SGCZ: variants seen among roughly 807,000 people sequenced by gnomAD.
SGCZ encodes zeta-sarcoglycan.
In SGCZ, 40 loss-of-function variants were observed where a neutral mutation model predicts 41.3. The ratio of observed to expected loss-of-function variants is 0.97; its 90% CI spans 0.75 to 1.26. The LOEUF is 1.26. Ranked by LOEUF, SGCZ falls within the 50% of genes most tolerant of loss-of-function variation. SGCZ has a pLI of 0.00. For missense variants in SGCZ, 552 were observed against 369.8 expected (o/e 1.49, Z -4.04); for synonymous variants, 206 against 137.5 (o/e 1.50, Z -3.49).
intron 2 of SGCZ, among the ~76,000 whole-genome samples, chr8:14,331,073 T>C (rs957471617): frequency 6.6e-6 from 1 of 151,734 alleles, no homozygotes; most frequent in African/African-American, 2.4e-5. Context: ...AGATATTATT[T>C]ATTATATATT....
chr8:14,372,244 C>G (rs768064856), intron 2 of SGCZ, among the ~76,000 whole-genome samples: 1 of 152,130 alleles, frequency 6.6e-6, no homozygotes, highest in Non-Finnish European at 1.5e-5. Context: ...ATTTGCGAAA[C>G]AGAAGTCTCT....
At chr8:14,457,633 T>C (rs894101060) in intron 2 of SGCZ, among the ~76,000 whole-genome samples, 1 of 152,194 alleles carries the variant, frequency 6.6e-6, no homozygotes, top group African/African-American at 2.4e-5. Flanking sequence ...CAGATAGCAG[T>C]AGTAAATTAG....
intron 1 of SGCZ, among the ~76,000 whole-genome samples, chr8:15,210,895 G>C (rs969578984): frequency 2.0e-5 from 3 of 151,838 alleles, no homozygotes; most frequent in Non-Finnish European, 4.4e-5. Flanking sequence ...CCCACATCCA[G>C]CATTTCAATA....
intron 1 of SGCZ, among the ~76,000 whole-genome samples, chr8:14,663,649 A>T (rs1807822934): frequency 6.6e-6 from 1 of 152,172 alleles, no homozygotes; most frequent in African/African-American, 2.4e-5. Flanking sequence ...TTGCTCATTA[A>T]AATGAGCTAC....
chr8:14,496,787 T>C (rs545868932), intron 2 of SGCZ, among the ~76,000 whole-genome samples: 1 of 152,322 alleles, frequency 6.6e-6, no homozygotes, highest in African/African-American at 2.4e-5. Flanking sequence ...TAAAGAATTC[T>C]TACAAAATAA....
At chr8:14,593,948 G>C (rs7827861) in intron 1 of SGCZ, among the ~76,000 whole-genome samples, 80,173 of 151,734 alleles carry the variant, frequency 0.53, 21,725 homozygotes, top group Non-Finnish European at 0.61. Context: ...GCCGAGATTG[G>C]TGGATCACTT....
chr8:14,229,942 T>A (rs1806503081), intron 4 of SGCZ, among the ~76,000 whole-genome samples: 1 of 152,156 alleles, frequency 6.6e-6, no homozygotes, highest in Admixed American at 6.6e-5. Context: ...GGATTAAATT[T>A]CATTGAAAAA....
At chr8:14,926,645 T>G (rs940515352) in intron 1 of SGCZ, among the ~76,000 whole-genome samples, 1 of 150,384 alleles carries the variant, frequency 6.6e-6, no homozygotes, top group Admixed American at 6.6e-5. Flanking sequence ...GTGTGTGTGG[T>G]TTTTTTTTGT....
At chr8:15,098,909 T>G (rs1436856108) in intron 1 of SGCZ, among the ~76,000 whole-genome samples, 1 of 152,040 alleles carries the variant, frequency 6.6e-6, no homozygotes, top group Non-Finnish European at 1.5e-5. Flanking sequence ...AATACAAAAA[T>G]TAGCCGGGGG....
chr8:14,326,170 G>C (rs1007518507), intron 2 of SGCZ, among the ~76,000 whole-genome samples: 15 of 140,086 alleles, frequency 1.1e-4, no homozygotes, highest in African/African-American at 3.1e-4. Context: ...CTGTCACTAT[G>C]GATAAGCAAG....
At chr8:14,288,775 A>C (rs1232997739) in intron 3 of SGCZ, among the ~76,000 whole-genome samples, 1 of 152,166 alleles carries the variant, frequency 6.6e-6, no homozygotes, top group Non-Finnish European at 1.5e-5. Flanking sequence ...ACCACTTGTT[A>C]CCAATTCTTT....
At chr8:15,027,380 G>T (rs768630267) in intron 1 of SGCZ, among the ~76,000 whole-genome samples, 1 of 127,502 alleles carries the variant, frequency 7.8e-6, no homozygotes, top group Non-Finnish European at 1.6e-5. Context: ...AATTTAAAAA[G>T]AAATATGTGT....
In SGCZ at chr8:15,238,050, A is replaced by G; in HGVS notation, c.-427T>C. The G allele has an allele frequency of 6.1e-6, 1 of 163,918 alleles. No homozygotes were observed. The highest frequency in any genetic ancestry group is 1.7e-4 in the East Asian group (1 of 5,980). The allele number at this position is 163,918 out of a possible 1,614,324, so 10.2% of individuals were successfully genotyped here. On this transcript the variant is annotated 5_prime_UTR_variant, in exon 1 of 8. Coordinates refer to ENST00000382080, the MANE Select transcript of SGCZ (RefSeq NM_139167.4). Reference sequence around the variant, plus strand: ...GCAAATTTCAAGCAAATGTGTTCAAACTGAAGAGAAGAGTGTATGATAAAA... The same window carrying G: ...GCAAATTTCAAGCAAATGTGTTCAAGCTGAAGAGAAGAGTGTATGATAAAA...
chr8:14,496,681 T>A (rs377261529), intron 2 of SGCZ, among the ~76,000 whole-genome samples: 2 of 152,172 alleles, frequency 1.3e-5, no homozygotes, highest in Non-Finnish European at 2.9e-5. Context: ...TTCCTAGAAG[T>A]TTCTCTCTGG....
intron 1 of SGCZ, among the ~76,000 whole-genome samples, chr8:14,674,871 A>G (rs1808219311): frequency 6.7e-6 from 1 of 150,264 alleles, no homozygotes; most frequent in African/African-American, 2.5e-5. Flanking sequence ...GCCTCCCCAG[A>G]AGCAGATGCC....
chr8:14,231,416 G>C (rs980497531), intron 4 of SGCZ, among the ~76,000 whole-genome samples: 1 of 151,898 alleles, frequency 6.6e-6, no homozygotes, highest in Non-Finnish European at 1.5e-5. Flanking sequence ...TGTTATTTCA[G>C]AAACAAACAG....
intron 1 of SGCZ, among the ~76,000 whole-genome samples, chr8:14,889,500 T>C (rs1268789346): frequency 1.3e-5 from 2 of 152,102 alleles, no homozygotes; most frequent in Non-Finnish European, 2.9e-5. Context: ...TGTAAACTAA[T>C]AAGACACAGA....
At chr8:14,383,703 G>A (rs1016767520) in intron 2 of SGCZ, among the ~76,000 whole-genome samples, 1 of 152,162 alleles carries the variant, frequency 6.6e-6, no homozygotes, top group East Asian at 1.9e-4. Flanking sequence ...GCAAACACTG[G>A]TTGGGAAAGA....
At chr8:14,158,818 C>T (rs1275849839) in intron 5 of SGCZ, among the ~76,000 whole-genome samples, 1 of 152,146 alleles carries the variant, frequency 6.6e-6, no homozygotes, top group Non-Finnish European at 1.5e-5. Context: ...GCCCAGGCTG[C>T]AGTGCAGTGT....
Sources: allele counts gnomAD v4.1 joint callset (sites outside exome capture counted in the v4.1 genomes callset), GRCh38; gene constraint gnomAD v4.1.1; transcripts MANE v1.5; gene names NCBI Gene and HGNC (gene_info 2026-07-23, HGNC 2026-07-21).